PEX5L: variants seen among roughly 807,000 people sequenced by gnomAD.
PEX5L encodes peroxisomal biogenesis factor 5 like.
In PEX5L, 30 loss-of-function variants were observed where a neutral mutation model predicts 84.0. The observed-to-expected ratio is 0.36, with a 90% CI of 0.27 to 0.48. The LOEUF is 0.48. Ranked by LOEUF, PEX5L falls within the 20% of genes least tolerant of loss-of-function variation. The pLI is 0.99. For synonymous variants in PEX5L, 270 were observed against 283.1 expected, an observed-to-expected ratio of 0.95 and a Z score of 0.46; for missense variants, 533 against 754.6, an observed-to-expected ratio of 0.71 and a Z score of 3.44.
chr3:179,939,423 T>C (rs1350460153), intron 2 of PEX5L, among the ~76,000 whole-genome samples: 2 of 152,170 alleles, frequency 1.3e-5, no homozygotes, highest in Non-Finnish European at 1.5e-5. Context: ...TTTGTATTGA[T>C]GGATATTCTT....
chr3:180,003,999 T>C (rs750664110), intron 1 of PEX5L, among the ~76,000 whole-genome samples: 6 of 152,214 alleles, frequency 3.9e-5, no homozygotes, highest in Non-Finnish European at 7.4e-5. Flanking sequence ...CGTCTTATGT[T>C]TGTCCCCCCG....
At chr3:179,999,961 C>G (rs1000347433) in intron 1 of PEX5L, among the ~76,000 whole-genome samples, 3 of 152,136 alleles carry the variant, frequency 2.0e-5, no homozygotes, top group African/African-American at 7.2e-5. Flanking sequence ...TCCAGAAGGC[C>G]ATGTATGCTC....
chr3:179,874,283 A>G (rs574752089), intron 7 of PEX5L, 44 bp downstream of exon 7: 20 of 1,077,488 alleles, frequency 1.9e-5, no homozygotes, highest in Middle Eastern at 2.0e-4. Flanking sequence ...GCTATACACT[A>G]TATATAGGGA....
intron 8 of PEX5L, among the ~76,000 whole-genome samples, chr3:179,824,194 C>T (rs1304862890): frequency 6.6e-6 from 1 of 152,174 alleles, no homozygotes; most frequent in Non-Finnish European, 1.5e-5. Context: ...CATAGAGCTA[C>T]TTTTGATTTT....
chr3:179,810,002 C>CTTTGTTTTTTT (rs1723118255), intron 11 of PEX5L, among the ~76,000 whole-genome samples: 1 of 45,262 alleles, frequency 2.2e-5, no homozygotes, highest in Non-Finnish European at 3.8e-5. Flanking sequence ...TTTAATGCTG[C>CTTTGTTTTTTT]TTTTTTTTTT....
intron 7 of PEX5L, among the ~76,000 whole-genome samples, chr3:179,872,400 C>CA (rs1750693714): frequency 6.6e-6 from 1 of 152,052 alleles, no homozygotes. Context: ...TTTAAAAAAA[C>CA]AAATAAGAGT....
intron 1 of PEX5L, chr3:179,973,509 A>T: frequency 1.0e-6 from 1 of 959,770 alleles, no homozygotes; most frequent in East Asian, 1.1e-4. Context: ...TTAATGTTTT[A>T]AAAAATCTAC....
chr3:179,844,566 C>T (rs371018965), intron 8 of PEX5L, among the ~76,000 whole-genome samples: 8 of 152,186 alleles, frequency 5.3e-5, no homozygotes, highest in East Asian at 3.9e-4. Flanking sequence ...CGGTGGCTCA[C>T]GCCTGTAATC....
At chr3:179,851,333 C>T (rs1017581500) in intron 8 of PEX5L, among the ~76,000 whole-genome samples, 7 of 152,168 alleles carry the variant, frequency 4.6e-5, no homozygotes, top group Non-Finnish European at 1.0e-4. Context: ...CTTTCTTGCT[C>T]TATCCTTACA....
intron 1 of PEX5L, among the ~76,000 whole-genome samples, chr3:180,019,149 T>C (rs908632806): frequency 2.0e-5 from 3 of 152,102 alleles, no homozygotes; most frequent in African/African-American, 7.2e-5. Context: ...TTGTAGGCTG[T>C]GTTTAGGGCC....
intron 8 of PEX5L, among the ~76,000 whole-genome samples, chr3:179,830,420 C>A (rs1732414082): frequency 6.6e-6 from 1 of 151,808 alleles, no homozygotes; most frequent in Admixed American, 6.6e-5. Flanking sequence ...ACGCTGAAAT[C>A]AAACTGGCTG....
chr3:179,952,763 T>C (rs180836063), intron 2 of PEX5L, among the ~76,000 whole-genome samples: 5 of 152,238 alleles, frequency 3.3e-5, no homozygotes, highest in Admixed American at 2.6e-4. Context: ...TTAAATTTCA[T>C]ATGGAACAAA....
At chr3:179,846,669 C>G (rs1302984905) in intron 8 of PEX5L, among the ~76,000 whole-genome samples, 1 of 152,218 alleles carries the variant, frequency 6.6e-6, no homozygotes, top group Non-Finnish European at 1.5e-5. Flanking sequence ...GAGCATCATT[C>G]AACCTGTTGA....
chr3:179,922,669 G>A lies in PEX5L; in HGVS notation c.94-24423C>T, dbSNP rs561415282. ...GGGTCTCACCATGTTGACCAGGCTG[G>A]TCTCAAACTCCTGGTCTCAAGTGAT... is the stretch of plus-strand genomic sequence containing the variant. On this transcript the variant is annotated intron_variant, in intron 2 of 14. Coordinates refer to ENST00000467460, the MANE Select transcript of PEX5L (RefSeq NM_016559.3). Among the ~76,000 whole-genome samples, 10 of 151,784 alleles carry A rather than the reference G, an allele frequency of 6.6e-5. No individual in the cohort carries two copies. The South Asian group carries it at 2.1e-3, about 32-fold the overall frequency.
Position 180,036,560 on chromosome 3 carries a change from C to T in PEX5L, c.21+19G>A. 6.2e-7 allele frequency: 1 copy of T among 1,613,108 alleles called. No homozygotes were observed. Among genetic ancestry groups the T allele is most frequent in the Non-Finnish European group, 8.5e-7 (1 of 1,179,014 alleles). The stretch of plus-strand genomic sequence containing the variant: ...ATTAGCCCCCAAGAATTCTCTCCAG[C>T]CCTATAGAAATGTCTTACCTGCATG... On this transcript the variant is annotated intron_variant, in intron 1 of 14. Transcript: ENST00000467460.
At chr3:179,962,848 T>G (rs933009751) in intron 2 of PEX5L, among the ~76,000 whole-genome samples, 1 of 152,248 alleles carries the variant, frequency 6.6e-6, no homozygotes, top group East Asian at 1.9e-4. Context: ...TGTCAGCTCA[T>G]GTCATTTCAA....
At chr3:179,816,855 C>T (rs1357338634) in intron 9 of PEX5L, among the ~76,000 whole-genome samples, 2 of 151,002 alleles carry the variant, frequency 1.3e-5, no homozygotes, top group African/African-American at 4.9e-5. Context: ...TTAGATAATA[C>T]TAAATAATAT....
Position 179,816,003 on chromosome 3 carries a change from C to T in PEX5L, c.941G>A (p.Gly314Glu). 6.2e-7 allele frequency: 1 copy of T among 1,613,996 alleles called. No individual in the cohort carries two copies. Among genetic ancestry groups the T allele is most frequent in the Non-Finnish European group, 8.5e-7 (1 of 1,179,902 alleles). ...NQVTISASEK[G>E]YYFHTENPFK... is the part of the protein sequence containing the mutation. Reference sequence around the variant, plus strand: ...GGGGTTTTCAGTGTGAAAGTAATATCCCTGCAACACAGAAAAAGGCCAGTG... The same window carrying T: ...GGGGTTTTCAGTGTGAAAGTAATATTCCTGCAACACAGAAAAAGGCCAGTG... The change falls in exon 10 of 15, where the codon GGA becomes GAA. Residue 314 changes from glycine (G) to glutamate (E), a missense_variant and splice_region_variant. Gly to Glu is a moderately conservative substitution (Grantham distance 98). Around this residue, in one of 8 missense-constraint regions of PEX5L, gnomAD observed 58 missense variants for 56.4 expected, o/e 1.03. Transcript: ENST00000467460.
intron 1 of PEX5L, chr3:179,973,553 C>G (rs1785290114): frequency 1.0e-6 from 1 of 968,848 alleles, no homozygotes; most frequent in Admixed American, 6.2e-5. Flanking sequence ...GTATTTACTT[C>G]TCTGCATATG....
Sources: gnomAD v4.1 joint callset for allele counts (sites outside exome capture counted in the v4.1 genomes callset) on GRCh38, gnomAD v4.1.1 for gene constraint, gnomAD v4.1.1 regional missense constraint, MANE v1.5 for transcripts, NCBI Gene and HGNC (gene_info 2026-07-23, HGNC 2026-07-21) for gene names.